PIBF1: variants seen among roughly 807,000 people sequenced by gnomAD.
The protein encoded by PIBF1 is progesterone immunomodulatory binding factor 1.
A neutral mutation model predicts 112.5 loss-of-function variants in PIBF1; 90 were observed. The ratio of observed to expected loss-of-function variants is 0.80; its 90% CI spans 0.67 to 0.95. The LOEUF (loss-of-function observed/expected upper bound fraction) is 0.95, where lower values mean the gene tolerates loss of function less well. Among genes scored for constraint, PIBF1 ranks in the 40% least tolerant of loss-of-function variants. PIBF1 has a pLI of 0.00. For synonymous variants in PIBF1, 301 were observed against 288.6 expected, an observed-to-expected ratio of 1.04 and a Z score of -0.44; for missense variants, 915 against 852.3, an observed-to-expected ratio of 1.07 and a Z score of -0.92.
In PIBF1 at chr13:72,783,608, A is replaced by G. The variant is rs1488799130; in HGVS notation, c.139A>G (p.Thr47Ala). The G allele has an allele frequency of 1.2e-6, 2 of 1,614,046 alleles. No homozygotes were observed. Among genetic ancestry groups the G allele is most frequent in the African/African-American group, 2.7e-5 (2 of 74,958 alleles). Residue 47 changes from threonine to alanine, a missense_variant, in exon 2 of 18, where the codon ACC becomes GCC. Thr to Ala is a moderately conservative substitution (Grantham distance 58). Coordinates refer to ENST00000326291, the MANE Select transcript of PIBF1 (RefSeq NM_006346.4). ...AGAGCGAGAGGGCAAAGTCAGAATC[A>G]CCAGGCAGCTAATTGAACGAAAAGA... ...SEEREGKVRI[T>A]RQLIERKELL... is the part of the protein sequence containing the mutation.
intron 9 of PIBF1, among the ~76,000 whole-genome samples, chr13:72,836,347 AT>A (rs1249063600): frequency 6.6e-6 from 1 of 152,122 alleles, no homozygotes; most frequent in East Asian, 1.9e-4. Flanking sequence ...CTTATATGAT[AT>A]TTTGATTGTT....
At chr13:72,840,434 A>T (rs967932239) in intron 9 of PIBF1, among the ~76,000 whole-genome samples, 6 of 151,800 alleles carry the variant, frequency 4.0e-5, no homozygotes, top group African/African-American at 1.4e-4. Flanking sequence ...CTAGTATTTT[A>T]TCAAAGTGTG....
At chr13:72,834,460 T>C (rs1296111830) in intron 8 of PIBF1, among the ~76,000 whole-genome samples, 1 of 151,842 alleles carries the variant, frequency 6.6e-6, no homozygotes, top group Non-Finnish European at 1.5e-5. Flanking sequence ...CCTGTCTCTA[T>C]AAAAAAAAGT....
intron 6 of PIBF1, among the ~76,000 whole-genome samples, chr13:72,822,757 ATG>A (rs1293199775): frequency 5.9e-5 from 9 of 152,246 alleles, no homozygotes; most frequent in African/African-American, 2.2e-4. Flanking sequence ...ATAATACCGT[ATG>A]TGAATTTGCA....
intron 10 of PIBF1, among the ~76,000 whole-genome samples, chr13:72,855,492 T>C (rs1427871976): frequency 2.6e-5 from 4 of 151,940 alleles, no homozygotes; most frequent in African/African-American, 7.3e-5. Flanking sequence ...CTACTAAAAA[T>C]GCAAAAATTA....
chr13:72,942,940 G>A (rs891086818), intron 14 of PIBF1, among the ~76,000 whole-genome samples: 1 of 152,172 alleles, frequency 6.6e-6, no homozygotes, highest in Admixed American at 6.5e-5. Flanking sequence ...GGCAGAGGTT[G>A]CAGTGAGCCA....
chr13:73,005,758 A>G (rs920395995), intron 17 of PIBF1, among the ~76,000 whole-genome samples: 9 of 152,064 alleles, frequency 5.9e-5, no homozygotes, highest in African/African-American at 2.2e-4. Context: ...TATAACACAC[A>G]TGGAAAATTA....
intron 16 of PIBF1, among the ~76,000 whole-genome samples, chr13:72,977,697 C>A (rs1235640191): frequency 1.3e-5 from 2 of 152,118 alleles, no homozygotes; most frequent in Admixed American, 1.3e-4. Flanking sequence ...TTTTTATTTT[C>A]TATATTAGTG....
intron 13 of PIBF1, among the ~76,000 whole-genome samples, chr13:72,917,814 A>G (rs2041154105): frequency 6.6e-6 from 1 of 152,172 alleles, no homozygotes. Flanking sequence ...TTATTCACAT[A>G]GCATTTACAT....
intron 16 of PIBF1, among the ~76,000 whole-genome samples, chr13:72,978,859 C>G (rs1359886090): frequency 6.6e-6 from 1 of 152,114 alleles, no homozygotes; most frequent in African/African-American, 2.4e-5. Flanking sequence ...AGTAGCAGGA[C>G]TTCAAATAAA....
intron 2 of PIBF1, among the ~76,000 whole-genome samples, chr13:72,791,406 G>C (rs1380937932): frequency 6.6e-6 from 1 of 152,178 alleles, no homozygotes; most frequent in Admixed American, 6.5e-5. Flanking sequence ...TTAAAGCAAA[G>C]GGAATAAAGA....
At chr13:72,901,359 C>CCCTT (rs978745548) in intron 11 of PIBF1, among the ~76,000 whole-genome samples, 1 of 152,052 alleles carries the variant, frequency 6.6e-6, no homozygotes, top group African/African-American at 2.4e-5. Context: ...ATACAGTACC[C>CCCTT]CCTTACTCCT....
intron 17 of PIBF1, among the ~76,000 whole-genome samples, chr13:73,000,325 T>C (rs1412998628): frequency 1.3e-5 from 2 of 152,216 alleles, no homozygotes; most frequent in Non-Finnish European, 2.9e-5. Flanking sequence ...TCTTATAATG[T>C]AGTTCTCCCT....
At chr13:72,958,030 G>C (rs1369594787) in intron 14 of PIBF1, among the ~76,000 whole-genome samples, 1 of 151,896 alleles carries the variant, frequency 6.6e-6, no homozygotes, top group Non-Finnish European at 1.5e-5. Context: ...CCACCTGAGA[G>C]ACTGAAGTGG....
intron 9 of PIBF1, among the ~76,000 whole-genome samples, chr13:72,840,220 A>G (rs2037544625): frequency 6.6e-6 from 1 of 152,236 alleles, no homozygotes; most frequent in Non-Finnish European, 1.5e-5. Context: ...AGCTTGTATC[A>G]TACTAATCTT....
chr13:72,950,190 C>T (rs2042259050), intron 14 of PIBF1, among the ~76,000 whole-genome samples: 1 of 152,142 alleles, frequency 6.6e-6, no homozygotes, highest in African/African-American at 2.4e-5. Context: ...GTATCATTTA[C>T]AAATTTGAAT....
rs575368506 is a variant in PIBF1, at chr13:72,891,307, T to C, written c.1323-2477T>C. Among the ~76,000 whole-genome samples, 8 of 152,208 alleles carry C rather than the reference T, an allele frequency of 5.3e-5. No homozygotes were observed. The East Asian group carries it at 1.5e-3, about 29-fold the overall frequency. On this transcript the variant is annotated intron_variant, in intron 10 of 17. Coordinates refer to ENST00000326291, the MANE Select transcript of PIBF1 (RefSeq NM_006346.4). ...CTTTTAGGATAAATTATCTTAAAGA[T>C]CAATATCACATTCTAAATTACTTAT...
chr13:73,012,145 A>C (rs1451457722), intron 17 of PIBF1, among the ~76,000 whole-genome samples: 1 of 152,174 alleles, frequency 6.6e-6, no homozygotes, highest in East Asian at 1.9e-4. Context: ...TGAGATCAGG[A>C]GGTCGAGACC....
chr13:72,821,904 T>C lies in PIBF1; in HGVS notation c.728T>C (p.Leu243Ser). 3 of 1,612,968 alleles carry C rather than the reference T, an allele frequency of 1.9e-6. No individual in the cohort carries two copies. Among genetic ancestry groups the C allele is most frequent in the Non-Finnish European group, 2.5e-6 (3 of 1,179,274 alleles). Residue 243 changes from leucine (L) to serine (S), a missense_variant, in exon 6 of 18, where the codon TTG becomes TCG. Transcript: ENST00000326291. ...YSEVQIRCQR[L>S]ALELADTKQL... The stretch of plus-strand genomic sequence containing the variant: ...GAAGTTCAAATTAGATGTCAACGTT[T>C]GGCCTTAGAATTAGCAGACACAAAA...
Sources: allele counts gnomAD v4.1 joint callset (sites outside exome capture counted in the v4.1 genomes callset), GRCh38; gene constraint gnomAD v4.1.1; transcripts MANE v1.5; gene names NCBI Gene and HGNC (gene_info 2026-07-23, HGNC 2026-07-21).